Variants in SCOC observed in about 807,000 individuals in gnomAD.
SCOC encodes the protein short coiled-coil protein, also known as short coiled coil protein.
In SCOC, 7 loss-of-function variants were observed where a neutral mutation model predicts 9.9. That is an observed-to-expected ratio of 0.71 (90% CI 0.40 to 1.33). SCOC has a LOEUF of 1.33. Ranked by LOEUF, SCOC falls within the 40% of genes most tolerant of loss-of-function variation. The pLI, the probability that SCOC is intolerant of heterozygous loss-of-function variation, is 0.01. For missense variants in SCOC, 66 were observed against 89.7 expected, an observed-to-expected ratio of 0.74 and a Z score of 1.07; for synonymous variants, 19 against 28.2, an observed-to-expected ratio of 0.67 and a Z score of 1.03.
chr4:140,308,214 G>A (rs1714121334), intron 1 of SCOC, among the ~76,000 whole-genome samples: 1 of 152,208 alleles, frequency 6.6e-6, no homozygotes, highest in Admixed American at 6.5e-5. Flanking sequence ...AATTGTGCTA[G>A]TAATTAAAAA....
intron 1 of SCOC, among the ~76,000 whole-genome samples, chr4:140,268,305 C>G (rs1730773891): frequency 1.3e-5 from 2 of 152,112 alleles, no homozygotes; most frequent in African/African-American, 4.8e-5. Flanking sequence ...GAGTGAGTGC[C>G]TCTAATTTAA....
intron 2 of SCOC, among the ~76,000 whole-genome samples, chr4:140,345,636 A>G (rs73855756): frequency 0.026 from 3,893 of 152,334 alleles, 166 homozygotes; most frequent in African/African-American, 0.089. Flanking sequence ...TTGCAAAAGT[A>G]AAGCATTAAA....
At chr4:140,287,689 C>A (rs1048570544) in intron 1 of SCOC, among the ~76,000 whole-genome samples, 9 of 152,066 alleles carry the variant, frequency 5.9e-5, no homozygotes, top group Non-Finnish European at 1.3e-4. Flanking sequence ...TACACATACA[C>A]ACACCAAACA....
intron 2 of SCOC, among the ~76,000 whole-genome samples, chr4:140,357,613 T>A (rs1727285377): frequency 6.6e-6 from 1 of 152,204 alleles, no homozygotes; most frequent in Non-Finnish European, 1.5e-5. Context: ...TTAATTTCCC[T>A]AAGGAGATAA....
chr4:140,350,416 G>A (rs528925817), intron 2 of SCOC, among the ~76,000 whole-genome samples: 55 of 152,354 alleles, frequency 3.6e-4, no homozygotes, highest in African/African-American at 1.3e-3. Context: ...ATAAGTGCCA[G>A]TTTAGGCAGG....
At chr4:140,342,750 T>C (rs1726556392), upstream of SCOC, among the ~76,000 whole-genome samples, 1 of 152,222 alleles carries the variant, frequency 6.6e-6, no homozygotes, top group African/African-American at 2.4e-5. Flanking sequence ...TGTGTCTGTA[T>C]ACAAATGTGA....
chr4:140,364,677 C>A (rs1034181866), intron 2 of SCOC, among the ~76,000 whole-genome samples: 2 of 152,190 alleles, frequency 1.3e-5, no homozygotes, highest in African/African-American at 2.4e-5. Flanking sequence ...GGCTGTACAA[C>A]AAGAAGGCCC....
At chr4:140,312,382 G>A (rs937490491) in intron 1 of SCOC, among the ~76,000 whole-genome samples, 1 of 152,096 alleles carries the variant, frequency 6.6e-6, no homozygotes, top group African/African-American at 2.4e-5. Flanking sequence ...AGTACAAGGA[G>A]GCCAAGATTT....
intron 1 of SCOC, among the ~76,000 whole-genome samples, chr4:140,260,948 C>T (rs1730619239): frequency 6.6e-6 from 1 of 152,174 alleles, no homozygotes; most frequent in Admixed American, 6.5e-5. Flanking sequence ...CATTTCCTTA[C>T]ATACATATTT....
chr4:140,297,273 G>GC (rs112853755), intron 1 of SCOC, among the ~76,000 whole-genome samples: 18 of 151,210 alleles, frequency 1.2e-4, no homozygotes, highest in African/African-American at 4.2e-4. Flanking sequence ...TGACTGTGGG[G>GC]GGGGGGGCAC....
At chr4:140,346,090 A>C (rs532829564) in intron 2 of SCOC, among the ~76,000 whole-genome samples, 2 of 152,232 alleles carry the variant, frequency 1.3e-5, no homozygotes, top group African/African-American at 4.8e-5. Flanking sequence ...CAAGTCTCCT[A>C]TGGTTGCGGG....
chr4:140,297,231 G>A (rs1269472863), intron 1 of SCOC, among the ~76,000 whole-genome samples: 5 of 150,398 alleles, frequency 3.3e-5, no homozygotes, highest in Non-Finnish European at 5.9e-5. Context: ...GAGAGGCGCG[G>A]AGGGAAAATG....
upstream of SCOC, among the ~76,000 whole-genome samples, chr4:140,372,169 AAG>A (rs1728084445): frequency 6.6e-6 from 1 of 152,238 alleles, no homozygotes; most frequent in South Asian, 2.1e-4. Flanking sequence ...GCAAGATGAA[AAG>A]AGAGATTGGT....
At chr4:140,334,285 A>C (rs942241203) in intron 1 of SCOC, among the ~76,000 whole-genome samples, 2 of 152,182 alleles carry the variant, frequency 1.3e-5, no homozygotes, top group Admixed American at 6.6e-5. Context: ...CTGATGCTGA[A>C]GAATCCAGAC....
chr4:140,259,039 T>C (rs1730572083), intron 1 of SCOC, among the ~76,000 whole-genome samples: 2 of 152,224 alleles, frequency 1.3e-5, no homozygotes, highest in Admixed American at 6.5e-5. Context: ...GTCTCTTTCA[T>C]AGCAGCATTT....
At chr4:140,375,862 C>G (rs1728320972) in intron 1 of SCOC, among the ~76,000 whole-genome samples, 2 of 152,166 alleles carry the variant, frequency 1.3e-5, no homozygotes, top group African/African-American at 4.8e-5. Flanking sequence ...CGAACCATGT[C>G]CATTTCTGGG....
chr4:140,328,792 A>G (rs1403088513), intron 1 of SCOC, among the ~76,000 whole-genome samples: 2 of 152,100 alleles, frequency 1.3e-5, no homozygotes, highest in East Asian at 1.9e-4. Context: ...TGTCACTGCC[A>G]CCCTGGCTAT....
At chr4:140,348,566 G>A (rs374758662) in intron 2 of SCOC, among the ~76,000 whole-genome samples, 13 of 54,532 alleles carry the variant, frequency 2.4e-4, no homozygotes, top group African/African-American at 6.5e-4. Context: ...GTATATATAT[G>A]TATATATATA....
In SCOC at chr4:140,328,256, A is replaced by G. The variant is rs28660350; in HGVS notation, c.-18-15365A>G. ...ACTGGTCTATCAGTTCTTGAGGAGC[A>G]GGGACCACAACTTATTCCTCTCTGA... On this transcript the variant is annotated intron_variant, in intron 1 of 4. Transcript: ENST00000394205. Among the ~76,000 whole-genome samples the G allele has an allele frequency of 7.1e-3, 1,075 of 152,310 alleles. 13 individuals carry two copies. The highest frequency in any genetic ancestry group is 0.025 in the African/African-American group (1,034 of 41,574).
Sources: gnomAD v4.1 joint callset for allele counts (sites outside exome capture counted in the v4.1 genomes callset) on GRCh38, gnomAD v4.1.1 for gene constraint, MANE v1.5 for transcripts, NCBI Gene and HGNC (gene_info 2026-07-23, HGNC 2026-07-21) for gene names.